Variants in SLC24A3 observed in about 807,000 individuals in gnomAD.
SLC24A3 encodes solute carrier family 24 member 3, also known as sodium/potassium/calcium exchanger 3.
SLC24A3 carries 28 observed loss-of-function variants against 75.8 expected under a neutral mutation model. The ratio of observed to expected loss-of-function variants is 0.37; its 90% CI spans 0.27 to 0.51. The LOEUF (loss-of-function observed/expected upper bound fraction) is 0.51. Among genes scored for constraint, SLC24A3 ranks in the 20% least tolerant of loss-of-function variants. SLC24A3 has a pLI of 0.94. For synonymous variants in SLC24A3, 372 were observed against 334.1 expected (o/e 1.11, Z -1.24); for missense variants, 663 against 847.8 (o/e 0.78, Z 2.71).
At chr20:19,243,612 G>A (rs1278831144) in intron 1 of SLC24A3, among the ~76,000 whole-genome samples, 1 of 152,186 alleles carries the variant, frequency 6.6e-6, no homozygotes, top group Non-Finnish European at 1.5e-5. Flanking sequence ...GCTTCTTCTG[G>A]TGTAATGTGG....
intron 3 of SLC24A3, among the ~76,000 whole-genome samples, chr20:19,575,446 A>G (rs2031120085): frequency 6.6e-6 from 1 of 152,282 alleles, no homozygotes; most frequent in Middle Eastern, 3.4e-3. Flanking sequence ...GGCCAGAGAC[A>G]TGAACATAAA....
intron 1 of SLC24A3, among the ~76,000 whole-genome samples, chr20:19,244,490 A>G (rs578230020): frequency 6.6e-6 from 1 of 152,156 alleles, no homozygotes; most frequent in Non-Finnish European, 1.5e-5. Flanking sequence ...TACCAGGCAA[A>G]GTCCCAGCGC....
chr20:19,224,090 G>T (rs185706524), intron 1 of SLC24A3, among the ~76,000 whole-genome samples: 1 of 151,606 alleles, frequency 6.6e-6, no homozygotes, highest in Non-Finnish European at 1.5e-5. Context: ...GATAAATGAG[G>T]ACTACTGTAC....
chr20:19,613,827 C>T (rs2031701953), intron 6 of SLC24A3, among the ~76,000 whole-genome samples: 1 of 152,232 alleles, frequency 6.6e-6, no homozygotes, highest in South Asian at 2.1e-4. Context: ...GTTTGCGTAG[C>T]TGTTGATGCT....
At chr20:19,649,774 T>C (rs191748618) in intron 6 of SLC24A3, among the ~76,000 whole-genome samples, 2 of 152,324 alleles carry the variant, frequency 1.3e-5, no homozygotes, top group Non-Finnish European at 2.9e-5. Flanking sequence ...TAGTATAGTG[T>C]CTGGGAACAG....
intron 2 of SLC24A3, among the ~76,000 whole-genome samples, chr20:19,418,956 T>C (rs1459321974): frequency 6.6e-6 from 1 of 151,872 alleles, no homozygotes; most frequent in South Asian, 2.1e-4. Context: ...AAACCACGAG[T>C]CTATTATGAT....
chr20:19,431,667 T>C (rs892883979), intron 2 of SLC24A3, among the ~76,000 whole-genome samples: 3 of 151,946 alleles, frequency 2.0e-5, no homozygotes, highest in Non-Finnish European at 2.9e-5. Flanking sequence ...CCAGTCAACT[T>C]CATACTGAGT....
At chr20:19,508,848 C>T (rs1034036553) in intron 2 of SLC24A3, among the ~76,000 whole-genome samples, 1 of 152,254 alleles carries the variant, frequency 6.6e-6, no homozygotes, top group African/African-American at 2.4e-5. Flanking sequence ...GTTAACAGGC[C>T]ATGTGGGCCA....
intron 6 of SLC24A3, among the ~76,000 whole-genome samples, chr20:19,607,472 G>A (rs2031612242): frequency 6.6e-6 from 1 of 152,282 alleles, no homozygotes. Context: ...CGGGCCTTCT[G>A]AGGCAGGCTC....
chr20:19,285,527 G>C (rs1247044525), intron 2 of SLC24A3, among the ~76,000 whole-genome samples: 5 of 129,870 alleles, frequency 3.9e-5, no homozygotes, highest in Non-Finnish European at 5.0e-5. Context: ...GCCCCTTGAA[G>C]ACCTAGTTTT....
chr20:19,330,358 G>T (rs1049536356), intron 2 of SLC24A3, among the ~76,000 whole-genome samples: 1 of 152,190 alleles, frequency 6.6e-6, no homozygotes, highest in Non-Finnish European at 1.5e-5. Context: ...GGGCCCTGAT[G>T]TGGGAGAAAC....
intron 6 of SLC24A3, among the ~76,000 whole-genome samples, chr20:19,597,997 C>T (rs1490087490): frequency 2.6e-5 from 4 of 152,188 alleles, no homozygotes; most frequent in African/African-American, 7.2e-5. Context: ...TGATTCTATA[C>T]CTTTGCTATT....
chr20:19,538,612 C>A (rs764965727), intron 3 of SLC24A3, among the ~76,000 whole-genome samples: 1 of 152,114 alleles, frequency 6.6e-6, no homozygotes, highest in Non-Finnish European at 1.5e-5. Flanking sequence ...GAAAGACGAG[C>A]AAAACCAAGT....
At chr20:19,498,419 T>C (rs1343178357) in intron 2 of SLC24A3, among the ~76,000 whole-genome samples, 1 of 152,070 alleles carries the variant, frequency 6.6e-6, no homozygotes, top group African/African-American at 2.4e-5. Context: ...TCATTCAAAC[T>C]CTGGATGGCT....
chr20:19,557,277 T>C lies in SLC24A3; in HGVS notation c.349-22723T>C, dbSNP rs186813177. On this transcript the variant is annotated intron_variant, in intron 3 of 16. Transcript: ENST00000328041. ...ACTGAATCCTGCCCCAGCATGTCTG[T>C]GCAGTGGTGTGCTGGAGATGGCCTG... 2.0e-5 allele frequency among the ~76,000 whole-genome samples: 3 copies of C among 152,334 alleles called. No homozygotes were observed. The East Asian group carries it at 5.8e-4, about 29-fold the overall frequency.
chr20:19,602,919 A>AG (rs1417082760), intron 6 of SLC24A3, among the ~76,000 whole-genome samples: 1 of 152,166 alleles, frequency 6.6e-6, no homozygotes, highest in Non-Finnish European at 1.5e-5. Flanking sequence ...CAGCCAGCTG[A>AG]GGGGGGCTCA....
At chr20:19,413,898 A>C (rs981705389) in intron 2 of SLC24A3, among the ~76,000 whole-genome samples, 5 of 152,234 alleles carry the variant, frequency 3.3e-5, no homozygotes, top group Admixed American at 2.6e-4. Context: ...CAAGCTGGGA[A>C]ATGTTTGAAA....
At chr20:19,371,674 G>A (rs760764507) in intron 2 of SLC24A3, among the ~76,000 whole-genome samples, 1 of 152,102 alleles carries the variant, frequency 6.6e-6, no homozygotes, top group Non-Finnish European at 1.5e-5. Flanking sequence ...TTTTTTAGTG[G>A]TATATTTCCC....
At chr20:19,276,322 T>C (rs1400746901) in intron 1 of SLC24A3, among the ~76,000 whole-genome samples, 1 of 152,210 alleles carries the variant, frequency 6.6e-6, no homozygotes, top group Admixed American at 6.5e-5. Context: ...TTTGTGAACC[T>C]TTCATGGGGG....
Sources: allele counts gnomAD v4.1 joint callset (sites outside exome capture counted in the v4.1 genomes callset), GRCh38; gene constraint gnomAD v4.1.1; transcripts MANE v1.5; gene names NCBI Gene and HGNC (gene_info 2026-07-23, HGNC 2026-07-21).